PCDHA5: variants seen among roughly 807,000 people sequenced by gnomAD.
PCDHA5 encodes protocadherin alpha-5.
In PCDHA5, 43 loss-of-function variants were observed where a neutral mutation model predicts 61.6. That is an observed-to-expected ratio of 0.70 (90% CI 0.55 to 0.90). The LOEUF is 0.90. Ranked by LOEUF, PCDHA5 falls within the 40% of genes least tolerant of loss-of-function variation. PCDHA5 has a pLI of 0.00. For synonymous variants in PCDHA5, 627 were observed against 543.9 expected, an observed-to-expected ratio of 1.15 and a Z score of -2.13; for missense variants, 1,298 against 1,222.7, an observed-to-expected ratio of 1.06 and a Z score of -0.92.
At chr5:140,965,838 T>C (rs1486782697) in intron 1 of PCDHA5, among the ~76,000 whole-genome samples, 5 of 152,204 alleles carry the variant, frequency 3.3e-5, no homozygotes, top group African/African-American at 1.2e-4. Flanking sequence ...ATATTGGTTA[T>C]TTGCCAAGGC....
At position 140,982,360 on chromosome 5, in the gene PCDHA5, A is replaced by G. The variant is rs1016027722; in HGVS notation, c.2412-115A>G. 59 of 1,527,040 alleles carry G rather than the reference A, an allele frequency of 3.9e-5. No individual in the cohort carries two copies. In the Admixed American group the frequency reaches 8.5e-4, roughly 22 times the overall value. 94.6% of individuals were successfully genotyped at this position (1,527,040 alleles called of 1,614,324 possible). ...TAATTGCTTCAGTTCAAGCATGAGC[A>G]GAATGTGTTAGCTGCAGCCCTGGCT... On this transcript the variant is annotated intron_variant, in intron 2 of 3. Coordinates refer to ENST00000529859, the MANE Select transcript of PCDHA5 (RefSeq NM_018908.3).
chr5:140,982,286 A>C, intron 2 of PCDHA5, 189 bp from the exon 3 acceptor site: 1 of 1,075,236 alleles, frequency 9.3e-7, no homozygotes, highest in Non-Finnish European at 1.3e-6. Flanking sequence ...GCAGGCAATA[A>C]GTAAGTCAGC....
chr5:140,851,794 T>C (rs2042159593), intron 1 of PCDHA5: 2 of 954,372 alleles, frequency 2.1e-6, no homozygotes. Flanking sequence ...ATTCACTTGT[T>C]CTGTCAGTAA....
chr5:140,835,899 A>G (rs1554135420), intron 1 of PCDHA5: 1 of 1,612,086 alleles, frequency 6.2e-7, no homozygotes, highest in Non-Finnish European at 8.5e-7. Context: ...CGCGCTGTCG[A>G]GCTACGTGTC....
intron 1 of PCDHA5, chr5:140,856,405 C>T: frequency 6.3e-7 from 1 of 1,598,432 alleles, no homozygotes; most frequent in Non-Finnish European, 8.6e-7. Flanking sequence ...TCCATGTGGA[C>T]GTGGAAGTGA....
intron 1 of PCDHA5, chr5:140,860,854 C>A (rs1554153872): frequency 1.3e-5 from 2 of 152,236 alleles, no homozygotes; most frequent in African/African-American, 4.8e-5. Flanking sequence ...TCTCCTGCCT[C>A]AGCCTCCGGA....
chr5:140,883,747 G>A (rs781812387), intron 1 of PCDHA5: 5 of 1,613,274 alleles, frequency 3.1e-6, no homozygotes, highest in South Asian at 2.2e-5. Context: ...TCTCCTACTC[G>A]CTGGTGGAGC....
chr5:140,833,822 T>C (rs1020023759), intron 1 of PCDHA5, among the ~76,000 whole-genome samples: 1 of 152,148 alleles, frequency 6.6e-6, no homozygotes, highest in Non-Finnish European at 1.5e-5. Context: ...CCTGGGTCCC[T>C]AAAAGAGTAC....
intron 1 of PCDHA5, chr5:140,869,088 G>A (rs1581866971): frequency 6.3e-7 from 1 of 1,587,910 alleles, no homozygotes; most frequent in Non-Finnish European, 8.6e-7. Context: ...TATTTTGGAA[G>A]CCAATTTCGT....
chr5:140,924,910 AT>A (rs1554202346), intron 1 of PCDHA5, among the ~76,000 whole-genome samples: 33 of 63,422 alleles, frequency 5.2e-4, no homozygotes, highest in African/African-American at 1.8e-3. Context: ...AAAAAATAAA[AT>A]AAAATAAAAT....
chr5:140,881,232 C>A, intron 1 of PCDHA5: 2 of 318,074 alleles, frequency 6.3e-6, no homozygotes, highest in Non-Finnish European at 9.1e-6. Context: ...AAATTAAAGT[C>A]AATTTAAATG....
chr5:140,975,522 G>A (rs2096670563), intron 1 of PCDHA5, among the ~76,000 whole-genome samples: 1 of 152,128 alleles, frequency 6.6e-6, no homozygotes, highest in African/African-American at 2.4e-5. Context: ...ATCTGCAGTG[G>A]ATATATTCTT....
At chr5:140,926,722 C>A in intron 1 of PCDHA5, 1 of 1,027,126 alleles carries the variant, frequency 9.7e-7, no homozygotes, top group East Asian at 3.0e-5. Flanking sequence ...CCCGGCAATG[C>A]CGGCGTTCGG....
chr5:140,978,834 C>A (rs1294349430), intron 1 of PCDHA5, 115 bp from the exon 2 acceptor site: 3 of 1,546,580 alleles, frequency 1.9e-6, no homozygotes, highest in Non-Finnish European at 2.6e-6. Context: ...ATGGCTCATT[C>A]AATACTTTTT....
At chr5:140,857,791 G>T in intron 1 of PCDHA5, 1 of 1,597,714 alleles carries the variant, frequency 6.3e-7, no homozygotes, top group Non-Finnish European at 8.6e-7. Context: ...AGCTGGTGCT[G>T]CGGTCGGTGG....
intron 1 of PCDHA5, chr5:140,858,052 T>C (rs1281058907): frequency 2.5e-6 from 4 of 1,597,036 alleles, no homozygotes; most frequent in African/African-American, 1.3e-5. Flanking sequence ...TTGTGTCGCT[T>C]GTGGAGGGCA....
intron 1 of PCDHA5, among the ~76,000 whole-genome samples, chr5:140,899,664 G>A (rs1263525075): frequency 2.0e-5 from 3 of 152,126 alleles, no homozygotes; most frequent in African/African-American, 4.8e-5. Context: ...GTCTCTGCCC[G>A]GCTTTGGTAT....
chr5:141,010,260 C>T lies in PCDHA5; in HGVS notation c.*323C>T, dbSNP rs906685521. The stretch of plus-strand genomic sequence containing the variant: ...GAGAGGTTGGACTCTCTGCCCTGTG[C>T]TCCGGGGATCCTGTCTTGATGACAC... On this transcript the variant is annotated 3_prime_UTR_variant, in exon 4 of 4. Transcript: ENST00000529859. 6.4e-7 allele frequency: 1 copy of T among 1,551,674 alleles called. No individual in the cohort carries two copies. The highest frequency in any genetic ancestry group is 1.4e-5 in the African/African-American group (1 of 73,028).
intron 1 of PCDHA5, chr5:140,966,383 C>T: frequency 2.5e-6 from 1 of 405,022 alleles, no homozygotes; most frequent in East Asian, 3.6e-5. Context: ...TCCGGGTTCG[C>T]TGTCCGCCAC....
Sources: gnomAD v4.1 joint callset for allele counts (sites outside exome capture counted in the v4.1 genomes callset) on GRCh38, gnomAD v4.1.1 for gene constraint, MANE v1.5 for transcripts, NCBI Gene and HGNC (gene_info 2026-07-23, HGNC 2026-07-21) for gene names.